RIMS1: variants seen among roughly 807,000 people sequenced by gnomAD.
RIMS1 encodes regulating synaptic membrane exocytosis protein 1.
A neutral mutation model predicts 214.1 loss-of-function variants in RIMS1; 83 were observed. The ratio of observed to expected loss-of-function variants is 0.39; its 90% CI spans 0.32 to 0.47. The LOEUF is 0.47. Among genes scored for constraint, RIMS1 ranks in the 20% least tolerant of loss-of-function variants. RIMS1 has a pLI of 0.99. For missense variants in RIMS1, 2,050 were observed against 2,161.8 expected (o/e 0.95, Z 1.03); for synonymous variants, 793 against 786.8 (o/e 1.01, Z -0.13).
chr6:72,284,014 CA>C, intron 23 of RIMS1, 32 bp from the exon 24 acceptor site: 1 of 1,533,466 alleles, frequency 6.5e-7, no homozygotes, highest in Non-Finnish European at 9.0e-7. Context: ...CTTTATTCAT[CA>C]TATATTTTGT....
intron 4 of RIMS1, among the ~76,000 whole-genome samples, chr6:72,144,399 C>T (rs190571116): frequency 2.0e-5 from 3 of 152,232 alleles, no homozygotes; most frequent in African/African-American, 7.2e-5. Context: ...CATGAAATAT[C>T]AGTGATGTAG....
chr6:72,258,326 T>C, intron 17 of RIMS1, 45 bp downstream of exon 17: 1 of 1,533,862 alleles, frequency 6.5e-7, no homozygotes, highest in South Asian at 1.2e-5. Flanking sequence ...TACATTTTTA[T>C]TATAATGCAG....
intron 2 of RIMS1, among the ~76,000 whole-genome samples, chr6:71,988,186 G>A (rs548680510): frequency 6.6e-6 from 1 of 151,826 alleles, no homozygotes; most frequent in Admixed American, 6.6e-5. Flanking sequence ...AATTCTTTCA[G>A]TTGACATCAA....
At chr6:72,274,260 CT>C (rs1487866448) in intron 22 of RIMS1, 88 bp from the exon 23 acceptor site, 11 of 837,042 alleles carry the variant, frequency 1.3e-5, no homozygotes, top group Non-Finnish European at 1.9e-5. Context: ...TTATGGGGTG[CT>C]TTTCCAGTCC....
chr6:71,998,751 A>G (rs529798113), intron 2 of RIMS1, among the ~76,000 whole-genome samples: 1 of 152,266 alleles, frequency 6.6e-6, no homozygotes, highest in African/African-American at 2.4e-5. Context: ...ATACACTTTC[A>G]TACTTAAAAA....
chr6:71,942,278 T>G (rs1786394823), intron 1 of RIMS1, among the ~76,000 whole-genome samples: 1 of 152,218 alleles, frequency 6.6e-6, no homozygotes. Flanking sequence ...GTGCCATTAA[T>G]ATAAGAATTA....
At chr6:72,147,582 A>ATG (rs1491532205) in intron 4 of RIMS1, among the ~76,000 whole-genome samples, 1 of 152,172 alleles carries the variant, frequency 6.6e-6, no homozygotes, top group Non-Finnish European at 1.5e-5. Flanking sequence ...AGGGCCTCTC[A>ATG]TGTGTGTGTG....
intron 27 of RIMS1, among the ~76,000 whole-genome samples, chr6:72,308,623 A>G (rs2095353457): frequency 6.6e-6 from 1 of 152,198 alleles, no homozygotes; most frequent in African/African-American, 2.4e-5. Flanking sequence ...ATTTATCACC[A>G]AGACTACCAT....
chr6:72,001,342 A>G lies in RIMS1; in HGVS notation c.245+32279A>G, dbSNP rs146200308. 5.0e-3 allele frequency among the ~76,000 whole-genome samples: 768 copies of G among 152,254 alleles called. 2 individuals carry two copies. The highest frequency in any genetic ancestry group is 6.1e-3 in the Non-Finnish European group (417 of 68,012). ...GAATTTTCCATTCTTCTATATATGA[A>G]AAAACGTTACTCAGACATTAGATTG... is the stretch of plus-strand genomic sequence containing the variant. On this transcript the variant is annotated intron_variant, in intron 2 of 33. Transcript: ENST00000521978.
intron 4 of RIMS1, among the ~76,000 whole-genome samples, chr6:72,110,294 G>A (rs2035776416): frequency 6.6e-6 from 1 of 152,204 alleles, no homozygotes; most frequent in Non-Finnish European, 1.5e-5. Context: ...ACCTTGGGCA[G>A]TATGGCCATT....
rs541504642 is a variant in RIMS1 at position 72,125,737 on chromosome 6, T to C, written c.471+25751T>C. On this transcript the variant is annotated intron_variant, in intron 4 of 33. Transcript: ENST00000521978. ...CCCAGGCTGCCACCTCGCAGTTGGA[T>C]CTCAGACTGCTGTGCTAGCAGTGAG... Among the ~76,000 whole-genome samples, 5 of 152,308 alleles carry C rather than the reference T, an allele frequency of 3.3e-5. No individual in the cohort carries two copies. In the East Asian group the frequency reaches 7.7e-4, roughly 24 times the overall value.
intron 2 of RIMS1, among the ~76,000 whole-genome samples, chr6:72,068,433 T>C (rs1279503117): frequency 6.6e-6 from 1 of 152,164 alleles, no homozygotes; most frequent in Admixed American, 6.5e-5. Context: ...TAATTGCAGG[T>C]CTGCTCAGTT....
chr6:71,925,909 G>A (rs1482294863), intron 1 of RIMS1, among the ~76,000 whole-genome samples: 1 of 152,134 alleles, frequency 6.6e-6, no homozygotes, highest in African/African-American at 2.4e-5. Flanking sequence ...TGTTTTTACT[G>A]AAATATACAT....
At chr6:72,290,612 A>G in intron 24 of RIMS1, 67 bp from the exon 25 acceptor site, 2 of 1,411,338 alleles carry the variant, frequency 1.4e-6, no homozygotes, top group Non-Finnish European at 9.7e-7. Flanking sequence ...TCCTTGGACA[A>G]ATGTGTTGGT....
At chr6:72,064,084 G>A (rs1315886518) in intron 2 of RIMS1, among the ~76,000 whole-genome samples, 2 of 152,170 alleles carry the variant, frequency 1.3e-5, no homozygotes, top group South Asian at 2.1e-4. Context: ...TTGGGAGGTC[G>A]AGGTGGGTGG....
chr6:71,992,861 A>C (rs1584390052), intron 2 of RIMS1, among the ~76,000 whole-genome samples: 1 of 152,184 alleles, frequency 6.6e-6, no homozygotes, highest in East Asian at 1.9e-4. Context: ...GGGTTTCACC[A>C]TGTTTCCTAG....
chr6:72,032,407 A>G (rs1818391060), intron 2 of RIMS1, among the ~76,000 whole-genome samples: 1 of 152,126 alleles, frequency 6.6e-6, no homozygotes, highest in Non-Finnish European at 1.5e-5. Flanking sequence ...ATACTGATAT[A>G]TATGGGTTTA....
At chr6:72,340,312 G>T (rs1345792911) in intron 29 of RIMS1, among the ~76,000 whole-genome samples, 166 of 151,478 alleles carry the variant, frequency 1.1e-3, no homozygotes, top group African/African-American at 3.7e-3. Flanking sequence ...GTCAATTTTG[G>T]CTTTTGTTGC....
At chr6:72,076,679 CAG>C (rs747752462) in intron 2 of RIMS1, among the ~76,000 whole-genome samples, 1 of 152,066 alleles carries the variant, frequency 6.6e-6, no homozygotes, top group Non-Finnish European at 1.5e-5. Context: ...AAGTGCGCTC[CAG>C]AGACTTCCAG....
Sources: gnomAD v4.1 joint callset for allele counts (sites outside exome capture counted in the v4.1 genomes callset) on GRCh38, gnomAD v4.1.1 for gene constraint, MANE v1.5 for transcripts, NCBI Gene and HGNC (gene_info 2026-07-23, HGNC 2026-07-21) for gene names.